The following ARK2N variants were observed in gnomAD, a reference collection of about 807,000 sequenced individuals.
ARK2N encodes the protein arkadia (RNF111) N-terminal like PKA signaling regulator 2N, also known as protein ARK2N.
the ARK2N span, among the ~76,000 whole-genome samples, chr18:46,221,555 T>TAAAA: frequency 2.9e-4 from 38 of 133,168 alleles, no homozygotes; most frequent in African/African-American, 8.8e-4. Context: ...AAGACTCCAT[T>TAAAA]AAAAAAAAAA....
At chr18:46,175,200 A>G in the ARK2N span, among the ~76,000 whole-genome samples, 2 of 140,244 alleles carry the variant, frequency 1.4e-5, no homozygotes, top group African/African-American at 5.4e-5. Context: ...TACGAGCCCT[A>G]CCAGATCCTT....
At chr18:46,188,816 C>T in the ARK2N span, among the ~76,000 whole-genome samples, 1 of 152,078 alleles carries the variant, frequency 6.6e-6, no homozygotes, top group Non-Finnish European at 1.5e-5. Flanking sequence ...AGTTCAAGAT[C>T]CTGAGTCAGA....
the ARK2N span, among the ~76,000 whole-genome samples, chr18:46,239,035 G>A: frequency 1.6e-3 from 244 of 152,282 alleles, no homozygotes; most frequent in African/African-American, 5.7e-3. Context: ...AGGGGTAGTA[G>A]AGGGATTTCT....
the ARK2N span, among the ~76,000 whole-genome samples, chr18:46,207,065 T>C: frequency 1.3e-5 from 2 of 152,122 alleles, no homozygotes; most frequent in East Asian, 1.9e-4. Flanking sequence ...CATGAGCCGC[T>C]GAACCTGGTC....
the ARK2N span, among the ~76,000 whole-genome samples, chr18:46,196,331 G>C: frequency 6.7e-6 from 1 of 149,266 alleles, no homozygotes; most frequent in Non-Finnish European, 1.5e-5. Flanking sequence ...GCGTGATCTC[G>C]GCTCACTGCA....
the ARK2N span, among the ~76,000 whole-genome samples, chr18:46,208,803 G>A: frequency 6.6e-6 from 1 of 152,244 alleles, no homozygotes; most frequent in Non-Finnish European, 1.5e-5. Flanking sequence ...TATGTATGTG[G>A]AATGGACATC....
the ARK2N span, among the ~76,000 whole-genome samples, chr18:46,177,239 G>A: frequency 6.6e-6 from 1 of 151,870 alleles, no homozygotes; most frequent in Admixed American, 6.6e-5. Context: ...TATAGAAGGG[G>A]GATAGAAAAT....
the ARK2N span, among the ~76,000 whole-genome samples, chr18:46,238,555 A>G: frequency 2.6e-5 from 4 of 152,214 alleles, no homozygotes; most frequent in East Asian, 7.7e-4. Flanking sequence ...TGGTCATTGA[A>G]CTTGATTTAC....
the ARK2N span, among the ~76,000 whole-genome samples, chr18:46,250,491 T>TACACACACACACATACACACACACAC: frequency 4.6e-5 from 6 of 129,762 alleles, no homozygotes; most frequent in African/African-American, 1.7e-4. Context: ...CCTCCATTCG[T>TACACACACACACATACACACACACAC]ACACACACAC....
the ARK2N span, among the ~76,000 whole-genome samples, chr18:46,248,022 C>CATAA: frequency 6.6e-6 from 1 of 152,106 alleles, no homozygotes; most frequent in Admixed American, 6.5e-5. Context: ...TGGTTTTTCA[C>CATAA]ATAAATAATG....
chr18:46,222,762 A>T, the ARK2N span, among the ~76,000 whole-genome samples: 1 of 152,042 alleles, frequency 6.6e-6, no homozygotes, highest in Non-Finnish European at 1.5e-5. Flanking sequence ...AGCAGAGGAG[A>T]CAGAGAGTTC....
chr18:46,207,367 A>G, the ARK2N span, among the ~76,000 whole-genome samples: 1 of 149,726 alleles, frequency 6.7e-6, no homozygotes, highest in African/African-American at 2.5e-5. Context: ...TAAGTTTCTC[A>G]GTAATTACTC....
the ARK2N span, among the ~76,000 whole-genome samples, chr18:46,197,299 A>T: frequency 6.6e-6 from 1 of 152,050 alleles, no homozygotes. Flanking sequence ...CAGTGGTGCA[A>T]TCATGGCTCA....
the ARK2N span, chr18:46,262,847 A>T: frequency 5.8e-6 from 8 of 1,383,700 alleles, no homozygotes; most frequent in Non-Finnish European, 8.1e-6. Context: ...AAAAATGTTG[A>T]TAAGTACAAC....
the ARK2N span, among the ~76,000 whole-genome samples, chr18:46,256,946 C>CT: frequency 6.6e-6 from 1 of 152,146 alleles, no homozygotes; most frequent in Non-Finnish European, 1.5e-5. Context: ...AGAGTTGCCC[C>CT]TTGGCTGCCT....
chr18:46,195,167 T>C, the ARK2N span, among the ~76,000 whole-genome samples: 1 of 152,034 alleles, frequency 6.6e-6, no homozygotes, highest in African/African-American at 2.4e-5. Flanking sequence ...CCTGTGTACC[T>C]ACTTATTACA....
chr18:46,234,243 G>A, the ARK2N span, among the ~76,000 whole-genome samples: 2 of 152,118 alleles, frequency 1.3e-5, no homozygotes, highest in East Asian at 3.8e-4. Context: ...TGTTGCCAAG[G>A]CTGGAGTGCA....
the ARK2N span, among the ~76,000 whole-genome samples, chr18:46,261,063 A>T: frequency 3.3e-5 from 5 of 152,104 alleles, no homozygotes; most frequent in Non-Finnish European, 5.9e-5. Context: ...TCTCTTTGCC[A>T]CTCGTTGCCT....
At chr18:46,235,733 A>C in the ARK2N span, among the ~76,000 whole-genome samples, 2 of 152,212 alleles carry the variant, frequency 1.3e-5, no homozygotes, top group African/African-American at 4.8e-5. Context: ...TTAGGACTCA[A>C]ATTTTCATCT....
Sources: gnomAD v4.1 joint callset for allele counts (sites outside exome capture counted in the v4.1 genomes callset) on GRCh38, gnomAD v4.1.1 for gene constraint, MANE v1.5 for transcripts, NCBI Gene and HGNC (gene_info 2026-07-23, HGNC 2026-07-21) for gene names.